The following PLEKHG7 variants were observed in gnomAD, a reference collection of about 807,000 sequenced individuals.
PLEKHG7 encodes pleckstrin homology and RhoGEF domain containing G7.
Under a neutral mutation model 85.2 loss-of-function variants are expected in PLEKHG7, and 77 were observed. The ratio of observed to expected loss-of-function variants is 0.90; its 90% CI spans 0.75 to 1.09. The LOEUF is 1.09. Ranked by LOEUF, PLEKHG7 falls within the 50% of genes least tolerant of loss-of-function variation. PLEKHG7 has a pLI of 0.00. For missense variants in PLEKHG7, 777 were observed against 804.3 expected, an observed-to-expected ratio of 0.97 and a Z score of 0.41; for synonymous variants, 301 against 302.4, an observed-to-expected ratio of 1.00 and a Z score of 0.05.
intron 3 of PLEKHG7, among the ~76,000 whole-genome samples, chr12:92,724,977 G>C (rs549569562): frequency 6.6e-6 from 1 of 150,762 alleles, no homozygotes; most frequent in Non-Finnish European, 1.5e-5. Flanking sequence ...AAAGTTTCCT[G>C]ATTAAAAAAA....
At chr12:92,747,551 C>A (rs1050873393) in intron 10 of PLEKHG7, among the ~76,000 whole-genome samples, 1 of 152,154 alleles carries the variant, frequency 6.6e-6, no homozygotes, top group Non-Finnish European at 1.5e-5. Context: ...GCAATCCCAC[C>A]ACTAGGTGTT....
chr12:92,746,120 C>T (rs1012035054), intron 10 of PLEKHG7, among the ~76,000 whole-genome samples: 15 of 152,222 alleles, frequency 9.9e-5, no homozygotes, highest in Non-Finnish European at 1.5e-4. Flanking sequence ...CAGGGTCCTT[C>T]AGCATTTTCT....
chr12:92,704,404 A>C (rs1037781006), intron 1 of PLEKHG7, among the ~76,000 whole-genome samples: 5 of 152,176 alleles, frequency 3.3e-5, no homozygotes, highest in Admixed American at 2.6e-4. Flanking sequence ...ACCATTTCAT[A>C]CCTCTCCAGC....
chr12:92,745,500 A>G lies in PLEKHG7; in HGVS notation c.1160A>G (p.Gln387Arg). Residue 387 changes from glutamine to arginine, a missense_variant, in exon 10 of 17, where the codon CAG becomes CGG. Physicochemically the swap from Gln to Arg is conservative, Grantham distance 43 (BLOSUM62 1). Transcript: ENST00000344636. ...LTKYFRGSLC[Q>R]SHQTYCLNYS... ...CAGTATTTCCGAGGGAGTCTCTGTCAGAGCCACCAGACCTACTGCCTGAAC... is the reference window on the plus strand; with the variant it reads ...CAGTATTTCCGAGGGAGTCTCTGTCGGAGCCACCAGACCTACTGCCTGAAC... 1 of 1,613,558 alleles carries G rather than the reference A, an allele frequency of 6.2e-7. No homozygotes were observed.
intron 9 of PLEKHG7, among the ~76,000 whole-genome samples, chr12:92,742,841 A>G (rs1327854058): frequency 6.6e-6 from 1 of 152,048 alleles, no homozygotes; most frequent in Non-Finnish European, 1.5e-5. Flanking sequence ...TAGAGGAGTG[A>G]GCCACCATAC....
At chr12:92,718,678 T>G (rs1871556060) in intron 3 of PLEKHG7, among the ~76,000 whole-genome samples, 2 of 152,226 alleles carry the variant, frequency 1.3e-5, no homozygotes, top group African/African-American at 2.4e-5. Context: ...ATCTTCCTTA[T>G]AGTTTTGTGC....
chr12:92,749,986 A>ATTATT (rs1490163488), intron 10 of PLEKHG7, among the ~76,000 whole-genome samples: 1 of 81,896 alleles, frequency 1.2e-5, no homozygotes, highest in African/African-American at 5.1e-5. Context: ...ATTTTATTTT[A>ATTATT]TTATTTTATT....
At chr12:92,720,879 G>A (rs1871621288) in intron 3 of PLEKHG7, among the ~76,000 whole-genome samples, 4 of 152,110 alleles carry the variant, frequency 2.6e-5, no homozygotes, top group Non-Finnish European at 4.4e-5. Flanking sequence ...AAGTTTTGTA[G>A]TGCATTAAAA....
intron 2 of PLEKHG7, 178 bp from the exon 3 acceptor site, chr12:92,707,472 G>A (rs997873796): frequency 1.5e-5 from 22 of 1,447,940 alleles, no homozygotes; most frequent in South Asian, 3.0e-5. Context: ...TAAAGACAAC[G>A]TCGTGTCACT....
In PLEKHG7 at chr12:92,723,083, C is replaced by T. The variant is rs1378669841; in HGVS notation, c.531-5910C>T. Among the ~76,000 whole-genome samples the T allele has an allele frequency of 2.0e-5, 3 of 152,136 alleles. 1 individual carries two copies. Among genetic ancestry groups the T allele is most frequent in the Admixed American group, 2.0e-4 (3 of 15,270 alleles). ...GGCAGACAAAGTACAGCTAGGCAGG[C>T]AGATGGGAACTACCTGAGCCAAGGC... On this transcript the variant is annotated intron_variant, in intron 3 of 16. Transcript: ENST00000344636.
intron 15 of PLEKHG7, among the ~76,000 whole-genome samples, chr12:92,766,690 C>T (rs1267322591): frequency 6.6e-6 from 1 of 151,934 alleles, no homozygotes; most frequent in Non-Finnish European, 1.5e-5. Context: ...AATAGCCAGG[C>T]GTGGTGGCAC....
intron 3 of PLEKHG7, among the ~76,000 whole-genome samples, chr12:92,727,960 G>GTGTGTGTA (rs1555194867): frequency 9.6e-6 from 1 of 103,830 alleles, no homozygotes; most frequent in African/African-American, 3.5e-5. Context: ...GTGTGTGTGT[G>GTGTGTGTA]TGTATATATA....
rs369037705 is a variant in PLEKHG7, at chr12:92,706,589, C to T, written c.-43C>T. The T allele has an allele frequency of 1.2e-4, 192 of 1,539,418 alleles. No homozygotes were observed. The African/African-American group carries it at 2.2e-3, about 17-fold the overall frequency. Reference sequence around the variant, plus strand: ...GTGATCCAGAGAACAGCAACTCATACGTCTTCTGGAACCTTCTACCAACAG... The same window carrying T: ...GTGATCCAGAGAACAGCAACTCATATGTCTTCTGGAACCTTCTACCAACAG... On this transcript the variant is annotated 5_prime_UTR_variant, in exon 2 of 17. The change creates a new upstream start codon in the 5' untranslated region. Coordinates refer to ENST00000344636, the MANE Select transcript of PLEKHG7 (RefSeq NM_001377329.1).
At position 92,771,239 on chromosome 12, in the gene PLEKHG7, A is replaced by G. The variant is rs1216055297; in HGVS notation, c.*1044A>G. 2 of 152,162 alleles carry G rather than the reference A, an allele frequency of 1.3e-5. No homozygotes were observed. Among genetic ancestry groups the G allele is most frequent in the South Asian group, 2.1e-4 (1 of 4,836 alleles). The allele number at this position is 152,162 out of a possible 1,614,324, so 9.4% of individuals were successfully genotyped here. On this transcript the variant is annotated 3_prime_UTR_variant, in exon 17 of 17. Coordinates refer to ENST00000344636, the MANE Select transcript of PLEKHG7 (RefSeq NM_001377329.1). ...CTTTTGCAATTTGCAAAGTGAAAGT[A>G]GTAAATTTATCAAATTTGGCTGCAA... is the stretch of plus-strand genomic sequence containing the variant.
intron 3 of PLEKHG7, among the ~76,000 whole-genome samples, chr12:92,718,426 A>T (rs1006817122): frequency 2.0e-5 from 3 of 152,240 alleles, no homozygotes; most frequent in African/African-American, 7.2e-5. Context: ...TGTAAGTTCC[A>T]GGAAAGTGGG....
At chr12:92,765,903 C>A (rs1873182319) in intron 15 of PLEKHG7, among the ~76,000 whole-genome samples, 1 of 152,172 alleles carries the variant, frequency 6.6e-6, no homozygotes, top group Non-Finnish European at 1.5e-5. Context: ...AGAAAGATAG[C>A]CTCTGCCTCC....
chr12:92,737,466 A>G lies in PLEKHG7; in HGVS notation c.884A>G (p.Glu295Gly), dbSNP rs1872191681. The G allele has an allele frequency of 1.4e-5, 22 of 1,594,974 alleles. No individual in the cohort carries two copies. The South Asian group carries it at 2.2e-4, about 16-fold the overall frequency. ...DLKKQQEAVW[E>G]LFTSECTYFL... ...AAAAAGCAGCAAGAGGCCGTGTGGG[A>G]ACTTTTCACAAGTGAATGCACCTAT... The change falls in exon 7 of 17, where the codon GAA becomes GGA. Residue 295 changes from glutamate (E) to glycine (G), a missense_variant. Coordinates refer to ENST00000344636, the MANE Select transcript of PLEKHG7 (RefSeq NM_001377329.1).
Position 92,755,944 on chromosome 12 carries a change from C to CAA in PLEKHG7, c.1542+13_1542+14dup, listed in dbSNP as rs753310619. On this transcript the variant is annotated splice_donor_region_variant and intron_variant, in intron 12 of 16. Coordinates refer to ENST00000344636, the MANE Select transcript of PLEKHG7 (RefSeq NM_001377329.1). ...TAAAAGGTTTTTCATTCCAGAGGTA[C>CAA]AAAAAAAAAATCAATTAGGACTTAT... The CAA allele has an allele frequency of 2.1e-6, 3 of 1,412,072 alleles. No individual in the cohort carries two copies. The highest frequency in any genetic ancestry group is 2.6e-5 in the East Asian group (1 of 39,194). The allele number at this position is 1,412,072 out of a possible 1,614,324, so 87.5% of individuals were successfully genotyped here. A position where few individuals can be genotyped will look rare whatever the true frequency, so the allele number is the denominator to read the frequency against.
At position 92,755,897 on chromosome 12, in the gene PLEKHG7, G is replaced by A. The variant is rs774074687; in HGVS notation, c.1499G>A (p.Trp500Ter). The stretch of plus-strand genomic sequence containing the variant: ...AGATATCTACAGGAGATTATAGTGT[G>A]GCCACCGCTTTGGGATAGAGATAAA... ...KFRYLQEIIV[W>*]PPLWDRDKRF... The change falls in exon 12 of 17, where the codon TGG becomes TAG. Residue 500 changes from tryptophan to a stop codon, truncating the protein, a stop_gained. Coordinates refer to ENST00000344636, the MANE Select transcript of PLEKHG7 (RefSeq NM_001377329.1). LOFTEE classifies it high-confidence loss of function. 5.6e-6 allele frequency: 9 copies of A among 1,613,446 alleles called. No homozygotes were observed. In the South Asian group the frequency reaches 8.8e-5, roughly 16 times the overall value.
Sources: allele counts gnomAD v4.1 joint callset (sites outside exome capture counted in the v4.1 genomes callset), GRCh38; gene constraint gnomAD v4.1.1; transcripts MANE v1.5; gene names NCBI Gene and HGNC (gene_info 2026-07-23, HGNC 2026-07-21).